Variants in SPIDR observed in about 807,000 individuals in gnomAD.
SPIDR encodes the protein DNA repair-scaffolding protein.
Under a neutral mutation model 104.6 loss-of-function variants are expected in SPIDR, and 93 were observed. The ratio of observed to expected loss-of-function variants is 0.89; its 90% CI spans 0.75 to 1.06. The LOEUF (loss-of-function observed/expected upper bound fraction) is 1.06, where lower values mean the gene tolerates loss of function less well. SPIDR is among the 50% of genes least tolerant of loss of function. The pLI is 0.00. For synonymous variants in SPIDR, 431 were observed against 416.9 expected, an observed-to-expected ratio of 1.03 and a Z score of -0.41; for missense variants, 1,154 against 1,111.2, an observed-to-expected ratio of 1.04 and a Z score of -0.55.
At chr8:47,583,089 G>A (rs186761469) in intron 8 of SPIDR, among the ~76,000 whole-genome samples, 18 of 151,102 alleles carry the variant, frequency 1.2e-4, no homozygotes, top group African/African-American at 4.4e-4. Context: ...GAAAGTAAAT[G>A]CATATCCTCA....
chr8:47,494,378 C>T (rs928222198), intron 8 of SPIDR, among the ~76,000 whole-genome samples: 1 of 152,034 alleles, frequency 6.6e-6, no homozygotes, highest in African/African-American at 2.4e-5. Context: ...CAGCCTTGAC[C>T]TCCCCAGGCT....
chr8:47,371,364 G>A (rs892783307), intron 5 of SPIDR, among the ~76,000 whole-genome samples: 1 of 152,078 alleles, frequency 6.6e-6, no homozygotes. Flanking sequence ...AACTGTGCCT[G>A]GAGCAACTTA....
intron 1 of SPIDR, among the ~76,000 whole-genome samples, chr8:47,278,589 G>A (rs2037076970): frequency 6.6e-6 from 1 of 151,860 alleles, no homozygotes; most frequent in African/African-American, 2.4e-5. Flanking sequence ...CTGGTTTCAT[G>A]TTCTAGTCAC....
At chr8:47,486,137 C>A (rs1457399826) in intron 8 of SPIDR, among the ~76,000 whole-genome samples, 1 of 152,070 alleles carries the variant, frequency 6.6e-6, no homozygotes, top group Non-Finnish European at 1.5e-5. Context: ...ACTAGAATAA[C>A]CAGTGTAGAG....
At chr8:47,706,483 G>A (rs954737369) in intron 14 of SPIDR, among the ~76,000 whole-genome samples, 1 of 152,202 alleles carries the variant, frequency 6.6e-6, no homozygotes, top group Non-Finnish European at 1.5e-5. Flanking sequence ...CACTCTGTGT[G>A]TTTGTGTGTG....
At chr8:47,487,139 C>G (rs1029603160) in intron 8 of SPIDR, among the ~76,000 whole-genome samples, 2 of 151,714 alleles carry the variant, frequency 1.3e-5, no homozygotes, top group Non-Finnish European at 2.9e-5. Context: ...AGGCTCAAAA[C>G]AAAGGGATGG....
chr8:47,373,543 A>G (rs782436612), intron 5 of SPIDR, among the ~76,000 whole-genome samples: 1 of 151,756 alleles, frequency 6.6e-6, no homozygotes, highest in Non-Finnish European at 1.5e-5. Flanking sequence ...TCTGGGGTAC[A>G]TGTGCAGAAC....
At chr8:47,596,652 T>G (rs1339095074) in intron 9 of SPIDR, among the ~76,000 whole-genome samples, 1 of 152,174 alleles carries the variant, frequency 6.6e-6, no homozygotes, top group Non-Finnish European at 1.5e-5. Context: ...TGCACTACAC[T>G]AAATTAAATT....
At chr8:47,417,091 G>T (rs1348042749) in intron 7 of SPIDR, among the ~76,000 whole-genome samples, 1 of 152,140 alleles carries the variant, frequency 6.6e-6, no homozygotes, top group Non-Finnish European at 1.5e-5. Flanking sequence ...AAACATACAT[G>T]TGCATGTGTC....
chr8:47,713,697 A>G, intron 16 of SPIDR, 56 bp downstream of exon 16: 1 of 1,593,834 alleles, frequency 6.3e-7, no homozygotes, highest in East Asian at 2.2e-5. Flanking sequence ...GTTATACTTT[A>G]TATTCATTTA....
chr8:47,627,859 T>A (rs190392384), intron 10 of SPIDR, among the ~76,000 whole-genome samples: 54 of 152,320 alleles, frequency 3.5e-4, no homozygotes, highest in Non-Finnish European at 6.9e-4. Flanking sequence ...AAGTTAGCAT[T>A]TGTGTTTTCA....
intron 5 of SPIDR, chr8:47,360,904 A>G (rs1393245448): frequency 1.0e-6 from 1 of 985,290 alleles, no homozygotes; most frequent in African/African-American, 1.7e-5. Context: ...GTTTGTGTTC[A>G]TGGTAGGATA....
At chr8:47,464,693 C>T (rs1554715915) in intron 8 of SPIDR, among the ~76,000 whole-genome samples, 1 of 151,922 alleles carries the variant, frequency 6.6e-6, no homozygotes, top group African/African-American at 2.4e-5. Context: ...GTCCTCTCCC[C>T]TCCCCTCCCC....
At chr8:47,493,457 A>G in intron 8 of SPIDR, among the ~76,000 whole-genome samples, 1 of 152,094 alleles carries the variant, frequency 6.6e-6, no homozygotes, top group East Asian at 1.9e-4. Flanking sequence ...GATGTCTTTC[A>G]AGTATTGTGC....
At chr8:47,314,486 A>C (rs587747090) in intron 5 of SPIDR, among the ~76,000 whole-genome samples, 1 of 152,296 alleles carries the variant, frequency 6.6e-6, no homozygotes, top group South Asian at 2.1e-4. Context: ...GCCTCAGGAA[A>C]CTTACAATCA....
intron 5 of SPIDR, among the ~76,000 whole-genome samples, chr8:47,363,720 T>C (rs1366559539): frequency 1.3e-5 from 2 of 152,036 alleles, no homozygotes; most frequent in Non-Finnish European, 2.9e-5. Context: ...TTGCCATCCA[T>C]AGAACTGAAC....
chr8:47,446,630 A>G (rs1402325790), intron 8 of SPIDR, among the ~76,000 whole-genome samples: 1 of 148,054 alleles, frequency 6.8e-6, no homozygotes, highest in Non-Finnish European at 1.5e-5. Flanking sequence ...TCTGTTGCCC[A>G]GGCTGGAGTG....
At chr8:47,401,731 C>A (rs1047027285) in intron 6 of SPIDR, among the ~76,000 whole-genome samples, 2 of 152,050 alleles carry the variant, frequency 1.3e-5, no homozygotes, top group Non-Finnish European at 2.9e-5. Flanking sequence ...TCAAAAGAGA[C>A]AAAGAAGGCC....
intron 5 of SPIDR, among the ~76,000 whole-genome samples, chr8:47,300,360 T>C (rs2041834923): frequency 6.6e-6 from 1 of 152,214 alleles, no homozygotes. Flanking sequence ...TTATTAGTCT[T>C]GCTAGCAGTC....
Sources: gnomAD v4.1 joint callset for allele counts (sites outside exome capture counted in the v4.1 genomes callset) on GRCh38, gnomAD v4.1.1 for gene constraint, MANE v1.5 for transcripts, NCBI Gene and HGNC (gene_info 2026-07-23, HGNC 2026-07-21) for gene names.